The following ST8SIA5 variants were observed in gnomAD, a reference collection of about 807,000 sequenced individuals.
ST8SIA5 encodes alpha-2,8-sialyltransferase 8E.
Under a neutral mutation model 40.2 loss-of-function variants are expected in ST8SIA5, and 24 were observed. The ratio of observed to expected loss-of-function variants is 0.60; its 90% CI spans 0.43 to 0.84. The LOEUF is 0.84. ST8SIA5 is among the 40% of genes least tolerant of loss of function. The pLI is 0.00. For missense variants in ST8SIA5, 465 were observed against 498.5 expected, an observed-to-expected ratio of 0.93 and a Z score of 0.64; for synonymous variants, 198 against 201.8, an observed-to-expected ratio of 0.98 and a Z score of 0.16.
intron 1 of ST8SIA5, 110 bp downstream of exon 1, chr18:46,756,268 C>G: frequency 6.8e-7 from 1 of 1,468,798 alleles, no homozygotes. Context: ...AGGAGCGGAC[C>G]CCACGGCCAC....
At position 46,756,246 on chromosome 18, in the gene ST8SIA5, A is replaced by G; in HGVS notation, c.131+132T>C. Reference sequence around the variant, plus strand: ...CGCGGTGGCCCAAGCCTAAGCGGCCATGCTCGGGGCTAGGAGCGGACCCCA... The same window carrying G: ...CGCGGTGGCCCAAGCCTAAGCGGCCGTGCTCGGGGCTAGGAGCGGACCCCA... On this transcript the variant is annotated intron_variant, in intron 1 of 6. Transcript: ENST00000315087. 3 of 1,319,930 alleles carry G rather than the reference A, an allele frequency of 2.3e-6. No individual in the cohort carries two copies. The South Asian group carries it at 4.7e-5, about 21-fold the overall frequency. The allele number at this position is 1,319,930 out of a possible 1,614,324, so 81.8% of individuals were successfully genotyped here. A position where few individuals can be genotyped will look rare whatever the true frequency, so the allele number is the denominator to read the frequency against.
chr18:46,676,250 A>T lies in ST8SIA5; in HGVS notation c.*3792T>A, dbSNP rs968302706. The T allele has an allele frequency of 6.6e-6, 1 of 152,130 alleles. No homozygotes were observed. Among genetic ancestry groups the T allele is most frequent in the Non-Finnish European group, 1.5e-5 (1 of 68,042 alleles). The allele number at this position is 152,130 out of a possible 1,614,324, so 9.4% of individuals were successfully genotyped here. On this transcript the variant is annotated 3_prime_UTR_variant, in exon 7 of 7. Transcript: ENST00000315087. ...AACTGTCCCTGAGACTGGATTTGAT[A>T]GTGTTCAGCACAACCAGCTCCCACG... is the stretch of plus-strand genomic sequence containing the variant.
intron 1 of ST8SIA5, 69 bp downstream of exon 1, chr18:46,756,309 G>A (rs2040245246): frequency 3.1e-6 from 5 of 1,590,972 alleles, no homozygotes; most frequent in South Asian, 1.1e-5. Flanking sequence ...CGAAGCTGCC[G>A]CGGCCACTGC....
intron 1 of ST8SIA5, among the ~76,000 whole-genome samples, chr18:46,746,245 G>T (rs1394811508): frequency 2.0e-5 from 3 of 152,110 alleles, no homozygotes; most frequent in African/African-American, 7.2e-5. Context: ...AGAAATAAAG[G>T]GTATTCAATT....
In ST8SIA5 at chr18:46,673,826, C is replaced by T. The variant is rs2039323575; in HGVS notation, c.*6216G>A. ...CACAGACTGGCCTCGTTTGACTAGA[C>T]CTCTAAACAATAGCACAAGGCACAC... On this transcript the variant is annotated 3_prime_UTR_variant, in exon 7 of 7. Transcript: ENST00000315087. 6.6e-6 allele frequency: 1 copy of T among 152,196 alleles called. No homozygotes were observed. Among genetic ancestry groups the T allele is most frequent in the Admixed American group, 6.5e-5 (1 of 15,280 alleles). The allele number at this position is 152,196 out of a possible 1,614,324, so 9.4% of individuals were successfully genotyped here.
chr18:46,693,709 C>A (rs1005603395), intron 2 of ST8SIA5, among the ~76,000 whole-genome samples: 1 of 152,086 alleles, frequency 6.6e-6, no homozygotes, highest in Non-Finnish European at 1.5e-5. Flanking sequence ...AATGACTGAG[C>A]CAAATCAAAA....
At chr18:46,723,795 A>G (rs374894299) in intron 1 of ST8SIA5, among the ~76,000 whole-genome samples, 2 of 152,036 alleles carry the variant, frequency 1.3e-5, no homozygotes, top group African/African-American at 4.8e-5. Flanking sequence ...GCATGGTGGC[A>G]GGTGCCTGTA....
chr18:46,712,870 A>ATAGT (rs1212583493), intron 1 of ST8SIA5, among the ~76,000 whole-genome samples: 6 of 152,140 alleles, frequency 3.9e-5, no homozygotes, highest in Non-Finnish European at 7.4e-5. Context: ...GCCTGGAAGG[A>ATAGT]TAGTGGGTGG....
intron 1 of ST8SIA5, among the ~76,000 whole-genome samples, chr18:46,746,517 G>A (rs1354831323): frequency 2.6e-5 from 4 of 152,150 alleles, no homozygotes; most frequent in Non-Finnish European, 4.4e-5. Context: ...CAAGGGATGT[G>A]AAGGACCTCT....
intron 2 of ST8SIA5, 28 bp from the exon 3 acceptor site, chr18:46,692,283 T>G (rs1250116415): frequency 6.2e-7 from 1 of 1,608,600 alleles, no homozygotes; most frequent in Non-Finnish European, 8.5e-7. Flanking sequence ...GAAGAGTACA[T>G]GAGCAGGGTA....
intron 1 of ST8SIA5, among the ~76,000 whole-genome samples, chr18:46,748,369 G>A (rs1467696512): frequency 3.3e-5 from 5 of 151,928 alleles, no homozygotes; most frequent in Non-Finnish European, 7.4e-5. Context: ...TTCGAGACTA[G>A]TCTGGCCAAC....
At chr18:46,743,708 CAGAGAACACCAAAAAGATACTCCTTGAGA>C (rs534947505) in intron 1 of ST8SIA5, among the ~76,000 whole-genome samples, 1,573 of 152,212 alleles carry the variant, frequency 0.01, 15 homozygotes, top group South Asian at 0.025. Context: ...TCAGGAAATA[CAGAGAACACCAAAAAGATACTCCTTGAGA>C]AGAGCAACCC....
At chr18:46,734,403 C>T (rs1409111214) in intron 1 of ST8SIA5, among the ~76,000 whole-genome samples, 2 of 152,018 alleles carry the variant, frequency 1.3e-5, no homozygotes, top group Non-Finnish European at 2.9e-5. Flanking sequence ...CCCCACCTCC[C>T]CCCACCCCTG....
chr18:46,689,585 T>C (rs1163134321), intron 3 of ST8SIA5, among the ~76,000 whole-genome samples: 2 of 151,228 alleles, frequency 1.3e-5, no homozygotes, highest in Admixed American at 1.3e-4. Flanking sequence ...TTTTTTTTTT[T>C]TTTTTTGAGA....
intron 1 of ST8SIA5, among the ~76,000 whole-genome samples, chr18:46,724,989 G>GAGGAAGGAAGGAAGGAAGGAAGGA (rs60444300): frequency 1.0e-5 from 1 of 99,658 alleles, no homozygotes; most frequent in African/African-American, 3.7e-5. Flanking sequence ...GAAAGAGAGA[G>GAGGAAGGAAGGAAGGAAGGAAGGA]AGGAAGGAAG....
chr18:46,753,001 G>T (rs1335903740), intron 1 of ST8SIA5, among the ~76,000 whole-genome samples: 1 of 152,142 alleles, frequency 6.6e-6, no homozygotes, highest in East Asian at 1.9e-4. Flanking sequence ...GCCAAACACA[G>T]CTCCCAATGG....
chr18:46,688,279 T>C (rs997382501), intron 4 of ST8SIA5, among the ~76,000 whole-genome samples: 1 of 152,228 alleles, frequency 6.6e-6, no homozygotes, highest in African/African-American at 2.4e-5. Context: ...GCCAAATCTA[T>C]TCATAGTCCA....
At chr18:46,718,520 C>G (rs1212433410) in intron 1 of ST8SIA5, among the ~76,000 whole-genome samples, 1 of 152,056 alleles carries the variant, frequency 6.6e-6, no homozygotes, top group Non-Finnish European at 1.5e-5. Flanking sequence ...ATAAGAAGAT[C>G]TGACCACAGC....
intron 1 of ST8SIA5, among the ~76,000 whole-genome samples, chr18:46,751,213 A>G (rs1405807133): frequency 1.3e-5 from 2 of 152,224 alleles, no homozygotes; most frequent in East Asian, 3.9e-4. Context: ...CTCTCATATC[A>G]TTGGAATCAT....
Sources: allele counts gnomAD v4.1 joint callset (sites outside exome capture counted in the v4.1 genomes callset), GRCh38; gene constraint gnomAD v4.1.1; transcripts MANE v1.5; gene names NCBI Gene and HGNC (gene_info 2026-07-23, HGNC 2026-07-21).